PCDH19: variants seen among roughly 807,000 people sequenced by gnomAD.
PCDH19 encodes protocadherin-19.
PCDH19 carries 6 observed loss-of-function variants against 46.2 expected under a neutral mutation model. The observed-to-expected ratio is 0.13, with a 90% CI of 0.07 to 0.26. The LOEUF (loss-of-function observed/expected upper bound fraction) is 0.26. PCDH19 is among the 10% of genes least tolerant of loss of function. The pLI is 1.00. For missense variants in PCDH19, 740 were observed against 972.3 expected, an observed-to-expected ratio of 0.76 and a Z score of 3.18; for synonymous variants, 481 against 415.7, an observed-to-expected ratio of 1.16 and a Z score of -1.91.
chrX:100,311,015 A>C lies in PCDH19; in HGVS notation c.2849-14140T>G, dbSNP rs999372583. 1.0e-4 allele frequency among the ~76,000 whole-genome samples: 11 copies of C among 108,057 alleles called. No individual in the cohort carries two copies. The Admixed American group carries it at 1.1e-3, about 11-fold the overall frequency. 93.8% of individuals were successfully genotyped at this position (108,057 alleles called of 115,157 possible). A position where few individuals can be genotyped will look rare whatever the true frequency, so the allele number is the denominator to read the frequency against. On this transcript the variant is annotated intron_variant, in intron 5 of 5. Transcript: ENST00000373034. ...GCAGGCAGGTGCCTGGCTAATTAAA[A>C]AAAAAAAAAAATTAGAGGCAGAATC...
rs1602640014 is a variant in PCDH19, at chrX:100,409,866, G to A, written c.-1269C>T. ...GTCTTGATTTCATCTTCCCGGAGAG[G>A]CGCTGGCCGCGCTGCGTTGGGCTCC... is the stretch of plus-strand genomic sequence containing the variant. On this transcript the variant is annotated 5_prime_UTR_variant, in exon 1 of 6. Transcript: ENST00000373034. 3.3e-6 allele frequency: 1 copy of A among 307,680 alleles called. No individual in the cohort carries two copies. Among genetic ancestry groups the A allele is most frequent in the East Asian group, 5.2e-5 (1 of 19,153 alleles). The allele number at this position is 307,680 out of a possible 1,213,427, so 25.4% of individuals were successfully genotyped here.
chrX:100,383,963 C>T (rs1927633508), intron 3 of PCDH19, among the ~76,000 whole-genome samples: 1 of 111,538 alleles, frequency 9.0e-6, no homozygotes, highest in African/African-American at 3.3e-5. Flanking sequence ...CAGAAAGTTA[C>T]GGTGAAGAAG....
At chrX:100,356,106 A>G (rs1405925635) in intron 3 of PCDH19, among the ~76,000 whole-genome samples, 1 of 110,873 alleles carries the variant, frequency 9.0e-6, no homozygotes, top group Non-Finnish European at 1.9e-5. Context: ...AGACATTGGG[A>G]TTAAAACTGA....
In PCDH19 at chrX:100,410,199, C is replaced by G. The variant is rs984362198; in HGVS notation, c.-1602G>C. The G allele has an allele frequency of 3.4e-6, 1 of 295,542 alleles. No homozygotes were observed. Among genetic ancestry groups the G allele is most frequent in the African/African-American group, 2.8e-5 (1 of 36,249 alleles). The allele number at this position is 295,542 out of a possible 1,213,427, so 24.4% of individuals were successfully genotyped here. ...CGGGAGCTGTGCTGCCGTCTGTGCC[C>G]GCTCGTCCGTCTCCGCGCTGCGCCA... On this transcript the variant is annotated 5_prime_UTR_variant, in exon 1 of 6. Transcript: ENST00000373034.
intron 3 of PCDH19, among the ~76,000 whole-genome samples, chrX:100,381,530 A>G (rs1602620111): frequency 1.8e-5 from 2 of 111,786 alleles, no homozygotes; most frequent in East Asian, 5.6e-4. Context: ...TTCTTTACTT[A>G]CGCCAAGAGA....
At chrX:100,377,415 G>A (rs768396040) in intron 3 of PCDH19, among the ~76,000 whole-genome samples, 58 of 111,809 alleles carry the variant, frequency 5.2e-4, no homozygotes, top group Middle Eastern at 4.6e-3. Flanking sequence ...TAACCTTCAC[G>A]CACATAATTC....
chrX:100,350,772 C>T (rs1926546582), intron 3 of PCDH19, 68 bp from the exon 4 acceptor site: 13 of 709,531 alleles, frequency 1.8e-5, no homozygotes, highest in South Asian at 1.6e-4. Flanking sequence ...AACTGCCCTA[C>T]TTAGAAGGAA....
At chrX:100,348,907 TTTTTA>T (rs1926491221) in intron 4 of PCDH19, among the ~76,000 whole-genome samples, 2 of 108,453 alleles carry the variant, frequency 1.8e-5, no homozygotes, top group African/African-American at 6.8e-5. Context: ...CTATCAGGTT[TTTTTA>T]TTTTATTTAT....
At chrX:100,338,131 A>T (rs1177778019) in intron 5 of PCDH19, among the ~76,000 whole-genome samples, 2 of 110,233 alleles carry the variant, frequency 1.8e-5, no homozygotes, top group Non-Finnish European at 3.8e-5. Flanking sequence ...ACTTTAGGTC[A>T]GGAGTTCGAG....
chrX:100,378,144 C>T (rs764875924), intron 3 of PCDH19, among the ~76,000 whole-genome samples: 24 of 112,931 alleles, frequency 2.1e-4, no homozygotes, highest in African/African-American at 7.7e-4. Flanking sequence ...ATCCTGCTCT[C>T]ACCGTACAGA....
At chrX:100,362,682 A>G (rs904508341) in intron 3 of PCDH19, among the ~76,000 whole-genome samples, 10 of 108,375 alleles carry the variant, frequency 9.2e-5, no homozygotes, top group Admixed American at 9.0e-4. Flanking sequence ...CTGTGGTCCC[A>G]GCTACTCGGG....
intron 5 of PCDH19, among the ~76,000 whole-genome samples, chrX:100,320,508 G>C (rs1027048322): frequency 1.8e-5 from 2 of 111,822 alleles, no homozygotes; most frequent in African/African-American, 6.5e-5. Context: ...ATAACAGTGT[G>C]TTTAAACAAT....
At chrX:100,363,924 CT>C (rs1207622242) in intron 3 of PCDH19, among the ~76,000 whole-genome samples, 1 of 102,798 alleles carries the variant, frequency 9.7e-6, no homozygotes, top group Non-Finnish European at 2.0e-5. Flanking sequence ...AGAGCTAAAA[CT>C]CAGCTTAAAG....
intron 3 of PCDH19, among the ~76,000 whole-genome samples, chrX:100,392,931 T>A (rs1927904211): frequency 9.0e-6 from 1 of 111,562 alleles, no homozygotes; most frequent in Admixed American, 9.5e-5. Flanking sequence ...AGAAAAGATA[T>A]GGTTTTATAG....
chrX:100,374,816 G>A (rs1927325096), intron 3 of PCDH19, among the ~76,000 whole-genome samples: 1 of 110,932 alleles, frequency 9.0e-6, no homozygotes, highest in Non-Finnish European at 1.9e-5. Context: ...GTGGGCGCCT[G>A]TAGTCCCAGC....
At chrX:100,353,527 A>G (rs1221225616) in intron 3 of PCDH19, among the ~76,000 whole-genome samples, 2 of 111,647 alleles carry the variant, frequency 1.8e-5, no homozygotes, top group Admixed American at 1.9e-4. Context: ...TGAAAATACT[A>G]CTTCTTGGTC....
chrX:100,400,317 T>A (rs763181738), intron 3 of PCDH19, among the ~76,000 whole-genome samples: 23 of 112,608 alleles, frequency 2.0e-4, no homozygotes, highest in African/African-American at 7.1e-4. Flanking sequence ...TCCAACTGTA[T>A]AGTGAAGAGG....
At chrX:100,374,792 A>G (rs1395233483) in intron 3 of PCDH19, among the ~76,000 whole-genome samples, 1 of 110,990 alleles carries the variant, frequency 9.0e-6, no homozygotes, top group Non-Finnish European at 1.9e-5. Context: ...ACAAAAAAAT[A>G]GCCGGGCATG....
At chrX:100,369,777 G>A (rs1927166958) in intron 3 of PCDH19, among the ~76,000 whole-genome samples, 1 of 111,794 alleles carries the variant, frequency 8.9e-6, no homozygotes, top group African/African-American at 3.3e-5. Flanking sequence ...ATTCTAGTGT[G>A]TCAGTGTTTC....
Sources: allele counts gnomAD v4.1 joint callset (sites outside exome capture counted in the v4.1 genomes callset), GRCh38; gene constraint gnomAD v4.1.1; transcripts MANE v1.5; gene names NCBI Gene and HGNC (gene_info 2026-07-23, HGNC 2026-07-21).